Variants in B3GALT1 observed in about 807,000 individuals in gnomAD.
B3GALT1 encodes the protein UDP-Gal:betaGlcNAc beta 1,3-galactosyltransferase, polypeptide 1.
Under a neutral mutation model 23.2 loss-of-function variants are expected in B3GALT1, and 10 were observed. That is an observed-to-expected ratio of 0.43 (90% confidence interval 0.27 to 0.73). The LOEUF is 0.73. B3GALT1 is among the 30% of genes least tolerant of loss of function. B3GALT1 has a pLI of 0.21. For missense variants in B3GALT1, 299 were observed against 405.4 expected (o/e 0.74, Z 2.25); for synonymous variants, 156 against 141.5 (o/e 1.10, Z -0.73).
intron 3 of B3GALT1, among the ~76,000 whole-genome samples, chr2:167,712,875 A>G (rs1030767278): frequency 6.6e-6 from 1 of 152,204 alleles, no homozygotes; most frequent in Non-Finnish European, 1.5e-5. Flanking sequence ...AAAATAATGC[A>G]TTCAATGTTA....
chr2:167,410,404 T>A (rs1304285402), intron 1 of B3GALT1, among the ~76,000 whole-genome samples: 4 of 148,902 alleles, frequency 2.7e-5, no homozygotes, highest in Admixed American at 2.0e-4. Context: ...GGCAAGAGAA[T>A]GGTGTGAACC....
chr2:167,733,578 G>A (rs1035877006), intron 3 of B3GALT1, among the ~76,000 whole-genome samples: 3 of 152,040 alleles, frequency 2.0e-5, no homozygotes, highest in Non-Finnish European at 4.4e-5. Flanking sequence ...AAAACAAATT[G>A]CCTACAATTT....
chr2:167,712,779 T>C lies in B3GALT1; in HGVS notation c.-352+65813T>C, dbSNP rs142112950. ...AGCCATTGAAATTACCTGGGGCATC[T>C]GTTAGGGCTATCTCCATTTTAAGCA... On this transcript the variant is annotated intron_variant, in intron 3 of 4. Transcript: ENST00000392690. Among the ~76,000 whole-genome samples the C allele has an allele frequency of 2.6e-5, 4 of 152,296 alleles. No individual in the cohort carries two copies. In the East Asian group the frequency reaches 7.7e-4, roughly 29 times the overall value.
chr2:167,542,595 A>C (rs1683550181), intron 2 of B3GALT1, among the ~76,000 whole-genome samples: 1 of 152,138 alleles, frequency 6.6e-6, no homozygotes, highest in South Asian at 2.1e-4. Context: ...GAAATGGAAG[A>C]ATATTTGGAA....
At chr2:167,303,676 C>G (rs963020850) in intron 1 of B3GALT1, among the ~76,000 whole-genome samples, 4 of 108,600 alleles carry the variant, frequency 3.7e-5, no homozygotes, top group African/African-American at 1.2e-4. Flanking sequence ...CACACACACA[C>G]ACACACAGAG....
intron 1 of B3GALT1, among the ~76,000 whole-genome samples, chr2:167,390,824 A>C (rs181663257): frequency 6.6e-6 from 1 of 151,896 alleles, no homozygotes; most frequent in African/African-American, 2.4e-5. Flanking sequence ...GAGTCAATCA[A>C]ATTACTCATC....
intron 1 of B3GALT1, among the ~76,000 whole-genome samples, chr2:167,406,946 G>C (rs1698289777): frequency 6.6e-6 from 1 of 152,172 alleles, no homozygotes; most frequent in Admixed American, 6.5e-5. Context: ...AACCAGAGCT[G>C]AAAAGGAAAA....
chr2:167,852,678 G>C (rs1012192620), intron 4 of B3GALT1, among the ~76,000 whole-genome samples: 2 of 152,144 alleles, frequency 1.3e-5, no homozygotes, highest in Non-Finnish European at 2.9e-5. Flanking sequence ...CATGGGGAAA[G>C]ATACTGTATA....
chr2:167,774,742 C>T (rs868106565), intron 3 of B3GALT1, among the ~76,000 whole-genome samples: 158 of 151,994 alleles, frequency 1.0e-3, no homozygotes, highest in Non-Finnish European at 1.9e-3. Flanking sequence ...ATGATCCACC[C>T]GCCTCAGCCT....
At chr2:167,316,567 C>T (rs1420539115) in intron 1 of B3GALT1, among the ~76,000 whole-genome samples, 1 of 152,116 alleles carries the variant, frequency 6.6e-6, no homozygotes, top group African/African-American at 2.4e-5. Context: ...CCTCAGCCCC[C>T]ATGCAGGGCA....
Position 167,868,814 on chromosome 2 carries a change from T to G in B3GALT1, c.-226T>G. 2.0e-6 allele frequency: 1 copy of G among 493,740 alleles called. No individual in the cohort carries two copies. Among genetic ancestry groups the G allele is most frequent in the Non-Finnish European group, 3.5e-6 (1 of 282,392 alleles). The allele number at this position is 493,740 out of a possible 1,614,324, so 30.6% of individuals were successfully genotyped here. A position where few individuals can be genotyped will look rare whatever the true frequency, so the allele number is the denominator to read the frequency against. ...CTGTACTTTATTGATTTTGCAGAGT[T>G]AAGAGGAAGATTTATGAGTCATGGA... On this transcript the variant is annotated 5_prime_UTR_variant, in exon 5 of 5. Transcript: ENST00000392690.
At chr2:167,616,230 G>A (rs1175693386) in intron 2 of B3GALT1, among the ~76,000 whole-genome samples, 1 of 152,028 alleles carries the variant, frequency 6.6e-6, no homozygotes, top group African/African-American at 2.4e-5. Flanking sequence ...CCTGAAGAGT[G>A]TGGTAATAGG....
chr2:167,415,535 G>C (rs375815947), intron 1 of B3GALT1, among the ~76,000 whole-genome samples: 2 of 152,198 alleles, frequency 1.3e-5, no homozygotes, highest in Non-Finnish European at 2.9e-5. Flanking sequence ...TAAAAATGCA[G>C]AAGCAGCTTT....
intron 3 of B3GALT1, among the ~76,000 whole-genome samples, chr2:167,811,151 A>G (rs946613619): frequency 1.3e-5 from 2 of 152,238 alleles, no homozygotes; most frequent in African/African-American, 4.8e-5. Flanking sequence ...ACCTAATTGT[A>G]ATGAAAATTG....
At chr2:167,721,542 G>T (rs1687235682) in intron 3 of B3GALT1, among the ~76,000 whole-genome samples, 1 of 152,114 alleles carries the variant, frequency 6.6e-6, no homozygotes, top group Non-Finnish European at 1.5e-5. Flanking sequence ...CACTGCCTAT[G>T]GGAACAAGAA....
rs569939158 is a variant in B3GALT1, at chr2:167,455,431, GTAAAA to G, written c.-510-34740_-510-34736del. 5.2e-3 allele frequency among the ~76,000 whole-genome samples: 788 copies of G among 152,276 alleles called. 1 individual carries two copies. Among genetic ancestry groups the G allele is most frequent in the Non-Finnish European group, 7.8e-3 (531 of 68,024 alleles). On this transcript the variant is annotated intron_variant, in intron 1 of 4. Coordinates refer to ENST00000392690, the MANE Select transcript of B3GALT1 (RefSeq NM_020981.4). ...TTTTGCTGGACTTTAAGGAAGGGGA[GTAAAA>G]TAAAAGTGCCATTTCTCCATCATCT...
chr2:167,391,686 C>G (rs980237962), intron 1 of B3GALT1, among the ~76,000 whole-genome samples: 1 of 152,140 alleles, frequency 6.6e-6, no homozygotes, highest in East Asian at 1.9e-4. Context: ...ACTGTCTTTA[C>G]ATTTTTTGTT....
intron 3 of B3GALT1, among the ~76,000 whole-genome samples, chr2:167,764,495 G>A (rs1375311): frequency 0.17 from 26,453 of 152,076 alleles, 2,427 homozygotes; most frequent in Non-Finnish European, 0.2. Flanking sequence ...CCTTGCTATT[G>A]TTTAATAAAG....
At chr2:167,454,092 A>G (rs1262141206) in intron 1 of B3GALT1, among the ~76,000 whole-genome samples, 1 of 152,118 alleles carries the variant, frequency 6.6e-6, no homozygotes, top group Non-Finnish European at 1.5e-5. Context: ...TTGTATTTGT[A>G]TATTTGTATA....
Sources: gnomAD v4.1 joint callset for allele counts (sites outside exome capture counted in the v4.1 genomes callset) on GRCh38, gnomAD v4.1.1 for gene constraint, MANE v1.5 for transcripts, NCBI Gene and HGNC (gene_info 2026-07-23, HGNC 2026-07-21) for gene names.